The following LRIF1 variants were observed in gnomAD, a reference collection of about 807,000 sequenced individuals.
LRIF1 encodes ligand dependent nuclear receptor interacting factor 1, also known as ligand-dependent nuclear receptor-interacting factor 1.
Under a neutral mutation model 52.7 loss-of-function variants are expected in LRIF1, and 32 were observed. The observed-to-expected ratio is 0.61, with a 90% CI of 0.46 to 0.82. LRIF1 has a LOEUF of 0.82. Ranked by LOEUF, LRIF1 falls within the 40% of genes least tolerant of loss-of-function variation. The pLI is 0.00. For missense variants in LRIF1, 887 were observed against 892.0 expected (o/e 0.99, Z 0.07); for synonymous variants, 323 against 317.4 (o/e 1.02, Z -0.19).
Position 110,955,106 on chromosome 1 carries a change from A to G in LRIF1, c.69-2291T>C, listed in dbSNP as rs556813641. Among the ~76,000 whole-genome samples, 29 of 152,332 alleles carry G rather than the reference A, an allele frequency of 1.9e-4. No individual in the cohort carries two copies. In the South Asian group the frequency reaches 6.0e-3, roughly 32 times the overall value. On this transcript the variant is annotated intron_variant, in intron 1 of 3. Transcript: ENST00000369763. Reference sequence around the variant, plus strand: ...GAATCTCAAACGTTCCTAAAATTCAACATGGCCAGCAGATCTCTGCCCATC... The same window carrying G: ...GAATCTCAAACGTTCCTAAAATTCAGCATGGCCAGCAGATCTCTGCCCATC...
downstream of LRIF1, chr1:110,944,193 A>G (rs1198252042): frequency 6.6e-6 from 1 of 152,228 alleles, no homozygotes; most frequent in Non-Finnish European, 1.5e-5. Flanking sequence ...TGAAAGCAGA[A>G]CCAACAAAAT....
the LRIF1 span, among the ~76,000 whole-genome samples, chr1:110,886,868 TA>T: frequency 1.4e-3 from 57 of 41,414 alleles, no homozygotes; most frequent in East Asian, 4.8e-3. Flanking sequence ...TATATATATA[TA>T]TTTTTTTTTT....
chr1:110,905,554 A>G, the LRIF1 span, among the ~76,000 whole-genome samples: 1 of 152,192 alleles, frequency 6.6e-6, no homozygotes, highest in East Asian at 1.9e-4. Flanking sequence ...TTCAAAAATG[A>G]AGGCAAAATA....
rs368948917 is a variant in LRIF1 at position 110,950,665 on chromosome 1, T to C, written c.1597-542A>G. On this transcript the variant is annotated intron_variant, in intron 2 of 3. Transcript: ENST00000369763. ...GAACATAAAGGTAACTATGTGGGCA[T>C]GTTGGGTAACTGGCTGAGGAGTCAC... 1.4e-3 allele frequency among the ~76,000 whole-genome samples: 210 copies of C among 152,138 alleles called. 1 individual carries two copies. Among genetic ancestry groups the C allele is most frequent in the East Asian group, 9.7e-4 (5 of 5,172 alleles).
the LRIF1 span, among the ~76,000 whole-genome samples, chr1:110,876,395 TA>T: frequency 6.6e-6 from 1 of 152,190 alleles, no homozygotes; most frequent in Non-Finnish European, 1.5e-5. Flanking sequence ...TAAGCAAACA[TA>T]AAAATACCAC....
At chr1:110,879,372 CAG>C in the LRIF1 span, among the ~76,000 whole-genome samples, 2 of 152,204 alleles carry the variant, frequency 1.3e-5, no homozygotes, top group African/African-American at 4.8e-5. Context: ...GTAGCACTAA[CAG>C]AATTCAAAAC....
the LRIF1 span, chr1:110,894,530 A>T: frequency 1.4e-6 from 1 of 731,324 alleles, no homozygotes; most frequent in Admixed American, 2.2e-5. Context: ...GATAGAGGAA[A>T]CAGAGAGTAA....
the LRIF1 span, among the ~76,000 whole-genome samples, chr1:110,898,179 C>T: frequency 6.6e-6 from 1 of 151,948 alleles, no homozygotes; most frequent in African/African-American, 2.4e-5. Context: ...AGATCAAGAC[C>T]ATCCTGGCTA....
chr1:110,892,561 C>T, the LRIF1 span: 9 of 1,576,990 alleles, frequency 5.7e-6, no homozygotes, highest in Non-Finnish European at 7.8e-6. Context: ...ATGTGGTGCC[C>T]CAAGTCGGGG....
chr1:110,935,853 G>T, the LRIF1 span, among the ~76,000 whole-genome samples: 1 of 151,672 alleles, frequency 6.6e-6, no homozygotes, highest in East Asian at 1.9e-4. Flanking sequence ...GAATGTTATG[G>T]AACAATGAGC....
chr1:110,902,157 A>T, the LRIF1 span, among the ~76,000 whole-genome samples: 1 of 152,242 alleles, frequency 6.6e-6, no homozygotes, highest in Non-Finnish European at 1.5e-5. Context: ...AATATTTCTA[A>T]AACATAAATG....
the LRIF1 span, among the ~76,000 whole-genome samples, chr1:110,910,492 T>G: frequency 6.6e-6 from 1 of 152,024 alleles, no homozygotes; most frequent in Admixed American, 6.6e-5. Flanking sequence ...TCCCAGCTAC[T>G]TGGGAGGCTG....
the LRIF1 span, among the ~76,000 whole-genome samples, chr1:110,886,089 CTTTT>C: frequency 2.0e-5 from 3 of 151,820 alleles, no homozygotes; most frequent in African/African-American, 7.3e-5. Flanking sequence ...TCTTAAAGTC[CTTTT>C]TTTAAGTTAT....
At position 110,952,009 on chromosome 1, in the gene LRIF1, A is replaced by G; in HGVS notation, c.875T>C (p.Ile292Thr). ...QHSQAAPVKW[I>T]FQDNLQPFTP... ...AAAAGGCTGTAGATTATCTTGGAAA[A>G]TCCATTTCACTGGAGCAGCTTGAGA... is the stretch of plus-strand genomic sequence containing the variant. The change falls in exon 2 of 4, where the codon ATT (isoleucine) becomes ACT (threonine). Residue 292 changes from isoleucine (I) to threonine (T), a missense_variant. Physicochemically the swap from Ile to Thr is moderately conservative, Grantham distance 89. Transcript: ENST00000369763. 6.2e-7 allele frequency: 1 copy of G among 1,614,184 alleles called. No homozygotes were observed. The highest frequency in any genetic ancestry group is 8.5e-7 in the Non-Finnish European group (1 of 1,180,022).
chr1:110,962,105 T>C (rs1452710151), intron 1 of LRIF1, among the ~76,000 whole-genome samples: 3 of 137,026 alleles, frequency 2.2e-5, no homozygotes, highest in Non-Finnish European at 4.7e-5. Flanking sequence ...CAAAGTAAAG[T>C]TGTTTATCTT....
downstream of LRIF1, among the ~76,000 whole-genome samples, chr1:110,945,670 G>A (rs1313578261): frequency 6.6e-6 from 1 of 152,134 alleles, no homozygotes; most frequent in Non-Finnish European, 1.5e-5. Flanking sequence ...CAGGTGATCT[G>A]CCCACCTCGG....
chr1:110,947,971 C>T lies in LRIF1; in HGVS notation c.2298G>A (p.Met766Ile). ...EAALEEMRKKMHQK is the reference protein window; with the variant it reads ...EAALEEMRKKIHQK ...TTTACAGGAGATTTTATTTTTGGTG[C>T]ATCTTCTTACGCATTTCTTCAAGAG... is the stretch of plus-strand genomic sequence containing the variant. Residue 766 changes from methionine (M) to isoleucine (I), a missense_variant, in exon 4 of 4, where the codon ATG (methionine) becomes ATA (isoleucine). Met to Ile is a conservative substitution (Grantham distance 10). Coordinates refer to ENST00000369763, the MANE Select transcript of LRIF1 (RefSeq NM_018372.4). 7 of 1,570,052 alleles carry T rather than the reference C, an allele frequency of 4.5e-6. No homozygotes were observed. Among genetic ancestry groups the T allele is most frequent in the Non-Finnish European group, 4.3e-6 (5 of 1,162,380 alleles).
chr1:110,952,101 T>C lies in LRIF1; in HGVS notation c.783A>G (p.Val261=). 6.2e-7 allele frequency: 1 copy of C among 1,614,214 alleles called. No homozygotes were observed. Among genetic ancestry groups the C allele is most frequent in the Non-Finnish European group, 8.5e-7 (1 of 1,180,016 alleles). The change falls in exon 2 of 4, where the codon GTA becomes GTG. Residue 261 remains valine, a synonymous_variant. Transcript: ENST00000369763. ...TTGGAATTTGTGTGGTATTTAGTAT[T>C]ACTGGCTTTGCTATTTCTGTAACAG... ...PKPVTEIAKP[V]ILNTTQIPKN...
chr1:110,963,519 C>T (rs1017191845), intron 1 of LRIF1, 102 bp downstream of exon 1: 7 of 954,038 alleles, frequency 7.3e-6, no homozygotes, highest in Non-Finnish European at 1.1e-5. Context: ...CTGCGGGCTC[C>T]AACTCCTCTC....
Sources: gnomAD v4.1 joint callset for allele counts (sites outside exome capture counted in the v4.1 genomes callset) on GRCh38, gnomAD v4.1.1 for gene constraint, MANE v1.5 for transcripts, NCBI Gene and HGNC (gene_info 2026-07-23, HGNC 2026-07-21) for gene names.